PLA2G4A: variants seen among roughly 807,000 people sequenced by gnomAD.
The protein encoded by PLA2G4A is cytosolic phospholipase A2.
A neutral mutation model predicts 81.9 loss-of-function variants in PLA2G4A; 40 were observed. The observed-to-expected ratio is 0.49, with a 90% CI of 0.38 to 0.64. The LOEUF is 0.64. PLA2G4A is among the 30% of genes least tolerant of loss of function. The pLI, the probability that PLA2G4A is intolerant of heterozygous loss-of-function variation, is 0.00. For missense variants in PLA2G4A, 715 were observed against 905.1 expected, an observed-to-expected ratio of 0.79 and a Z score of 2.69; for synonymous variants, 302 against 296.9, an observed-to-expected ratio of 1.02 and a Z score of -0.18.
chr1:186,942,959 C>T (rs1048268070), intron 10 of PLA2G4A, among the ~76,000 whole-genome samples: 1 of 152,054 alleles, frequency 6.6e-6, no homozygotes, highest in African/African-American at 2.4e-5. Flanking sequence ...CCAGATAAGA[C>T]ATCTTAAGGT....
intron 7 of PLA2G4A, among the ~76,000 whole-genome samples, chr1:186,927,673 A>G (rs1212018289): frequency 6.6e-6 from 1 of 152,218 alleles, no homozygotes; most frequent in Non-Finnish European, 1.5e-5. Context: ...TTGGATGAAA[A>G]TAGAAGTAAA....
intron 15 of PLA2G4A, among the ~76,000 whole-genome samples, chr1:186,966,118 TAA>T (rs10609057): frequency 0.034 from 4,101 of 119,438 alleles, 210 homozygotes; most frequent in African/African-American, 0.11. Flanking sequence ...GAGTGGAAGT[TAA>T]AAAAAAAAAA....
rs77050579 is a variant in PLA2G4A at position 186,839,930 on chromosome 1, T to A, written c.-70+10895T>A. On this transcript the variant is annotated intron_variant, in intron 1 of 17. Transcript: ENST00000367466. ...AATATTATTTAAAGGGTCTGCAGAC[T>A]GTCATGGCTACATGTATTTCAACAT... 1.7e-4 allele frequency among the ~76,000 whole-genome samples: 25 copies of A among 150,708 alleles called. No individual in the cohort carries two copies. The East Asian group carries it at 4.9e-3, about 30-fold the overall frequency.
intron 1 of PLA2G4A, among the ~76,000 whole-genome samples, chr1:186,850,635 G>T (rs1652340389): frequency 6.6e-6 from 1 of 152,046 alleles, no homozygotes; most frequent in South Asian, 2.1e-4. Context: ...GAATTGAATG[G>T]CCATAAGTCC....
chr1:186,870,310 A>G (rs781557207), intron 2 of PLA2G4A, 125 bp from the exon 3 acceptor site: 33 of 708,990 alleles, frequency 4.7e-5, no homozygotes, highest in Non-Finnish European at 7.5e-5. Flanking sequence ...GCAGCCTTAC[A>G]TCAAAGAATG....
At chr1:186,864,210 C>G (rs1652928926) in intron 2 of PLA2G4A, among the ~76,000 whole-genome samples, 2 of 151,922 alleles carry the variant, frequency 1.3e-5, no homozygotes, top group Admixed American at 1.3e-4. Flanking sequence ...TTGATGGGCA[C>G]TTAGGTTGAT....
chr1:186,974,474 A>G (rs1657463361), intron 15 of PLA2G4A, among the ~76,000 whole-genome samples: 1 of 152,210 alleles, frequency 6.6e-6, no homozygotes, highest in East Asian at 1.9e-4. Context: ...CAGCCTGGGC[A>G]GCAGAGTGAG....
intron 10 of PLA2G4A, among the ~76,000 whole-genome samples, chr1:186,943,977 A>T (rs1656249746): frequency 6.6e-6 from 1 of 152,180 alleles, no homozygotes; most frequent in Non-Finnish European, 1.5e-5. Context: ...GGAAGCAGAG[A>T]TATCACTGTG....
chr1:186,950,450 C>G (rs1656515711), intron 12 of PLA2G4A, among the ~76,000 whole-genome samples: 1 of 152,024 alleles, frequency 6.6e-6, no homozygotes, highest in Non-Finnish European at 1.5e-5. Flanking sequence ...ACTAATTTTT[C>G]ATGTCCCAGG....
chr1:186,930,101 AAAAC>A (rs573234313), intron 7 of PLA2G4A, among the ~76,000 whole-genome samples: 3 of 152,162 alleles, frequency 2.0e-5, no homozygotes, highest in Non-Finnish European at 2.9e-5. Flanking sequence ...TCTCAAAAAC[AAAAC>A]AAACAAACAA....
intron 14 of PLA2G4A, among the ~76,000 whole-genome samples, chr1:186,962,486 TTTTATTTATTTATTTATTTATTTA>T (rs10657628): frequency 1.5e-5 from 2 of 136,674 alleles, no homozygotes; most frequent in African/African-American, 3.0e-5. Context: ...AGTTATTTTA[TTTTATTTATTTATTTATTTATTTA>T]TTTATTTATT....
intron 1 of PLA2G4A, among the ~76,000 whole-genome samples, chr1:186,834,265 A>G (rs995174070): frequency 6.6e-6 from 1 of 152,062 alleles, no homozygotes; most frequent in South Asian, 2.1e-4. Flanking sequence ...TTTGTGGTTG[A>G]TAAAGGGATT....
intron 15 of PLA2G4A, among the ~76,000 whole-genome samples, chr1:186,973,723 T>A (rs1471169445): frequency 6.6e-6 from 1 of 152,264 alleles, no homozygotes; most frequent in Non-Finnish European, 1.5e-5. Flanking sequence ...ATTATTTTCA[T>A]GCCTATTGCA....
At chr1:186,941,141 G>A (rs1018079565) in intron 10 of PLA2G4A, among the ~76,000 whole-genome samples, 6 of 148,298 alleles carry the variant, frequency 4.0e-5, no homozygotes, top group Non-Finnish European at 5.9e-5. Flanking sequence ...GGGCACAACA[G>A]CATACTTTTG....
At chr1:186,897,135 C>T (rs1262239043) in intron 5 of PLA2G4A, among the ~76,000 whole-genome samples, 3 of 152,118 alleles carry the variant, frequency 2.0e-5, no homozygotes, top group South Asian at 2.1e-4. Flanking sequence ...TTCTTCAAGG[C>T]AAAATAGTAT....
chr1:186,835,317 C>T (rs768412734), intron 1 of PLA2G4A, among the ~76,000 whole-genome samples: 6 of 151,992 alleles, frequency 3.9e-5, no homozygotes, highest in African/African-American at 7.2e-5. Flanking sequence ...AGGATAGTCT[C>T]GAGGCAGATA....
At chr1:186,956,036 A>G (rs5007825) in intron 13 of PLA2G4A, 66 bp from the exon 14 acceptor site, 1,388,882 of 1,470,792 alleles carry the variant, frequency 0.94, 656,131 homozygotes, top group East Asian at 1. Context: ...CACCGTGCCC[A>G]GCCCAAAGAT....
chr1:186,900,515 A>G (rs1021075238), intron 5 of PLA2G4A, among the ~76,000 whole-genome samples: 1 of 152,216 alleles, frequency 6.6e-6, no homozygotes, highest in Non-Finnish European at 1.5e-5. Flanking sequence ...TTATTTAAAT[A>G]CTAAATGTAG....
At chr1:186,968,043 A>G (rs1181018876) in intron 15 of PLA2G4A, among the ~76,000 whole-genome samples, 2 of 152,032 alleles carry the variant, frequency 1.3e-5, no homozygotes, top group Non-Finnish European at 2.9e-5. Flanking sequence ...TATGAGAAAC[A>G]ATGGGGAGGT....
Sources: allele counts gnomAD v4.1 joint callset (sites outside exome capture counted in the v4.1 genomes callset), GRCh38; gene constraint gnomAD v4.1.1; transcripts MANE v1.5; gene names NCBI Gene and HGNC (gene_info 2026-07-23, HGNC 2026-07-21).